The following MAST4 variants were observed in gnomAD, a reference collection of about 807,000 sequenced individuals.
MAST4 encodes the protein microtubule-associated serine/threonine-protein kinase 4.
In MAST4, 89 loss-of-function variants were observed where a neutral mutation model predicts 162.7. That is an observed-to-expected ratio of 0.55 (90% confidence interval 0.46 to 0.65). MAST4 has a LOEUF of 0.65. MAST4 is among the 30% of genes least tolerant of loss of function. MAST4 has a pLI of 0.00. For synonymous variants in MAST4, 1,479 were observed against 1,361.1 expected (o/e 1.09, Z -1.91); for missense variants, 3,153 against 3,374.0 (o/e 0.93, Z 1.62).
At chr5:66,724,330 C>A (rs189789320) in intron 1 of MAST4, among the ~76,000 whole-genome samples, 16 of 152,182 alleles carry the variant, frequency 1.1e-4, no homozygotes, top group Non-Finnish European at 1.8e-4. Flanking sequence ...ACCTGTCAAC[C>A]CTGGTTAACT....
In MAST4 at chr5:66,919,961, C is replaced by T. The variant is rs867172599; in HGVS notation, c.674+19979C>T. Reference sequence around the variant, plus strand: ...CCTTCCTTCCTTCCTTCCTTCCTTCCTTCCTTCCTTCCTTCTTTCTCTCTC... The same window carrying T: ...CCTTCCTTCCTTCCTTCCTTCCTTCTTTCCTTCCTTCCTTCTTTCTCTCTC... On this transcript the variant is annotated intron_variant, in intron 4 of 28. Coordinates refer to ENST00000403625, the MANE Select transcript of MAST4 (RefSeq NM_001164664.2). Among the ~76,000 whole-genome samples, 333 of 40,294 alleles carry T rather than the reference C, an allele frequency of 8.3e-3. 1 individual carries two copies. The highest frequency in any genetic ancestry group is 0.02 in the African/African-American group (189 of 9,488). 26.4% of individuals were successfully genotyped at this position (40,294 alleles called of 152,430 possible).
chr5:66,781,478 T>C (rs1163526574), intron 2 of MAST4, among the ~76,000 whole-genome samples: 2 of 152,226 alleles, frequency 1.3e-5, no homozygotes, highest in Non-Finnish European at 2.9e-5. Flanking sequence ...AGCTTGCCAT[T>C]GTTCTTTTTG....
rs1434080312 is a variant in MAST4 at position 67,165,603 on chromosome 5, G to T, written c.6424G>T (p.Asp2142Tyr). 6.2e-7 allele frequency: 1 copy of T among 1,613,598 alleles called. No individual in the cohort carries two copies. The highest frequency in any genetic ancestry group is 8.5e-7 in the Non-Finnish European group (1 of 1,179,794). ...CCCTCCGCCCCCTCTGACGGCCAAA[G>T]ACCTGTCCAGCCCGGCTGCCAGGCA... ...SIPPPPLTAK[D>Y]LSSPAARQHC... Residue 2142 changes from aspartate (D) to tyrosine (Y), a missense_variant, in exon 29 of 29, where the codon GAC becomes TAC. Coordinates refer to ENST00000403625, the MANE Select transcript of MAST4 (RefSeq NM_001164664.2).
chr5:66,922,537 C>T (rs559348671), intron 4 of MAST4, among the ~76,000 whole-genome samples: 5 of 152,194 alleles, frequency 3.3e-5, no homozygotes, highest in South Asian at 4.2e-4. Context: ...ACCTCTTCTC[C>T]GTTTTCTGCT....
chr5:66,867,131 G>T (rs1760587918), intron 3 of MAST4, among the ~76,000 whole-genome samples: 1 of 152,072 alleles, frequency 6.6e-6, no homozygotes, highest in Non-Finnish European at 1.5e-5. Context: ...TCCGATATAT[G>T]ATTTTCTGGT....
intron 2 of MAST4, among the ~76,000 whole-genome samples, chr5:66,770,312 C>T (rs1754302833): frequency 6.6e-6 from 1 of 152,298 alleles, no homozygotes; most frequent in South Asian, 2.1e-4. Context: ...TGTTGCAATT[C>T]CTCCTTGTCA....
chr5:67,102,577 T>C lies in MAST4; in HGVS notation c.1112T>C (p.Met371Thr). The C allele has an allele frequency of 6.2e-7, 1 of 1,614,006 alleles. No individual in the cohort carries two copies. Among genetic ancestry groups the C allele is most frequent in the Non-Finnish European group, 8.5e-7 (1 of 1,179,864 alleles). The change falls in exon 9 of 29, where the codon ATG becomes ACG. Residue 371 changes from methionine (M) to threonine (T), a missense_variant. Physicochemically the swap from Met to Thr is moderately conservative, Grantham distance 81 (BLOSUM62 -1). Around this residue, in one of 7 missense-constraint regions of MAST4, gnomAD observed 360 missense variants for 450.0 expected, o/e 0.80. Coordinates refer to ENST00000403625, the MANE Select transcript of MAST4 (RefSeq NM_001164664.2). ...GCCTGCTGTGACCATGAAATAATTA[T>C]GATGAACCATGTCTACAAAGAAAGG... ...SPACCDHEII[M>T]MNHVYKERFP...
intron 3 of MAST4, among the ~76,000 whole-genome samples, chr5:66,889,555 G>A (rs185769560): frequency 3.3e-5 from 5 of 152,240 alleles, no homozygotes; most frequent in South Asian, 2.1e-4. Flanking sequence ...AATTTGCTTC[G>A]AATTTTCAAA....
chr5:66,597,199 T>C (rs1292546700), intron 1 of MAST4, among the ~76,000 whole-genome samples, 181 bp downstream of exon 1: 2 of 152,202 alleles, frequency 1.3e-5, no homozygotes, highest in Non-Finnish European at 2.9e-5. Flanking sequence ...GTTATTGACT[T>C]CCCTGTGGCT....
intron 1 of MAST4, among the ~76,000 whole-genome samples, chr5:66,707,510 G>T (rs1488458184): frequency 6.6e-6 from 1 of 152,162 alleles, no homozygotes; most frequent in Non-Finnish European, 1.5e-5. Flanking sequence ...TGCGAGCAGG[G>T]TTGGTTTCAT....
intron 4 of MAST4, among the ~76,000 whole-genome samples, chr5:67,019,858 G>C (rs1368055549): frequency 6.6e-6 from 1 of 152,158 alleles, no homozygotes; most frequent in East Asian, 1.9e-4. Context: ...ATCTGGAATA[G>C]ACTTCCAAAA....
intron 26 of MAST4, among the ~76,000 whole-genome samples, chr5:67,154,604 C>CA (rs1772259655): frequency 6.6e-6 from 1 of 152,214 alleles, no homozygotes; most frequent in Non-Finnish European, 1.5e-5. Flanking sequence ...CCTCATCTGG[C>CA]TACGGAGCAC....
intron 19 of MAST4, among the ~76,000 whole-genome samples, chr5:67,138,986 G>T (rs942969992): frequency 6.6e-6 from 1 of 152,224 alleles, no homozygotes; most frequent in Non-Finnish European, 1.5e-5. Context: ...ATCATAGGCT[G>T]CAAGTTACTT....
At chr5:66,870,386 C>A (rs945757532) in intron 3 of MAST4, among the ~76,000 whole-genome samples, 10 of 152,132 alleles carry the variant, frequency 6.6e-5, no homozygotes, top group Admixed American at 1.3e-4. Context: ...CCTAAGAAGA[C>A]TCCGCAGTGC....
chr5:67,162,926 G>A (rs1773372755), intron 28 of MAST4, 138 bp downstream of exon 28: 1 of 1,027,716 alleles, frequency 9.7e-7, no homozygotes, highest in East Asian at 2.6e-5. Flanking sequence ...TTATAGAGAG[G>A]TCATAAGATG....
chr5:66,749,877 G>C (rs775001893), intron 1 of MAST4, among the ~76,000 whole-genome samples: 2 of 152,170 alleles, frequency 1.3e-5, no homozygotes, highest in Non-Finnish European at 2.9e-5. Flanking sequence ...GTAGAAGCCT[G>C]TTCTATCAAA....
Position 67,165,420 on chromosome 5 carries a change from C to A in MAST4, c.6241C>A (p.Pro2081Thr), listed in dbSNP as rs764750748. 14 of 1,613,898 alleles carry A rather than the reference C, an allele frequency of 8.7e-6. 1 individual carries two copies. In the South Asian group the frequency reaches 1.4e-4, roughly 16 times the overall value. Residue 2081 changes from proline (P) to threonine (T), a missense_variant, in exon 29 of 29, where the codon CCC (proline) becomes ACC (threonine). Coordinates refer to ENST00000403625, the MANE Select transcript of MAST4 (RefSeq NM_001164664.2). The stretch of plus-strand genomic sequence containing the variant: ...GGGCAAGGTGAGGCGTGGCGTGGAA[C>A]CCAAGCCCGAAGCGCTTCTTGCCAG... ...ELGKVRRGVE[P>T]KPEALLARRS...
chr5:66,719,758 A>G (rs1751079700), intron 1 of MAST4, among the ~76,000 whole-genome samples: 1 of 152,098 alleles, frequency 6.6e-6, no homozygotes, highest in Non-Finnish European at 1.5e-5. Flanking sequence ...ATTTGGGCAA[A>G]CACTAAGATC....
In MAST4 at chr5:66,720,954, C is replaced by G. The variant is rs564421408; in HGVS notation, c.364-38755C>G. Reference sequence around the variant, plus strand: ...AGACTCCCCCATCCCATTTCAGCATCGCCACTCCCACTCTCTCTTCCTGCT... The same window carrying G: ...AGACTCCCCCATCCCATTTCAGCATGGCCACTCCCACTCTCTCTTCCTGCT... On this transcript the variant is annotated intron_variant, in intron 1 of 28. Transcript: ENST00000403625. 3.3e-5 allele frequency among the ~76,000 whole-genome samples: 5 copies of G among 152,154 alleles called. No homozygotes were observed. The South Asian group carries it at 6.2e-4, about 19-fold the overall frequency.
Sources: allele counts gnomAD v4.1 joint callset (sites outside exome capture counted in the v4.1 genomes callset), GRCh38; gene constraint gnomAD v4.1.1; regional missense constraint gnomAD v4.1.1; transcripts MANE v1.5; gene names NCBI Gene and HGNC (gene_info 2026-07-23, HGNC 2026-07-21).